Variants in MICU3 observed in about 807,000 individuals in gnomAD.
The protein encoded by MICU3 is calcium uptake protein 3, mitochondrial.
In MICU3, 62 loss-of-function variants were observed where a neutral mutation model predicts 66.5. The ratio of observed to expected loss-of-function variants is 0.93; its 90% CI spans 0.76 to 1.15. The LOEUF (loss-of-function observed/expected upper bound fraction) is 1.15. MICU3 is among the 50% of genes most tolerant of loss of function. MICU3 has a pLI of 0.00. For missense variants in MICU3, 779 were observed against 664.4 expected (o/e 1.17, Z -1.90); for synonymous variants, 308 against 240.7 (o/e 1.28, Z -2.59).
At chr8:17,069,806 T>A (rs1819277145) in intron 3 of MICU3, 87 bp downstream of exon 3, 1 of 440,222 alleles carries the variant, frequency 2.3e-6, no homozygotes, top group Non-Finnish European at 3.6e-6. Flanking sequence ...TCATAAAATA[T>A]ATTATGTATT....
At chr8:17,129,332 G>T in the MICU3 span, among the ~76,000 whole-genome samples, 1 of 151,648 alleles carries the variant, frequency 6.6e-6, no homozygotes, top group Non-Finnish European at 1.5e-5. Flanking sequence ...AGGCCCAGAG[G>T]TGACCCACAT....
Position 17,120,659 on chromosome 8 carries a change from A to G in MICU3, c.*372A>G, listed in dbSNP as rs997789915. 2.6e-5 allele frequency: 4 copies of G among 152,440 alleles called. No individual in the cohort carries two copies. The highest frequency in any genetic ancestry group is 9.7e-5 in the African/African-American group (4 of 41,428). 9.4% of individuals were successfully genotyped at this position (152,440 alleles called of 1,614,324 possible). On this transcript the variant is annotated 3_prime_UTR_variant, in exon 15 of 15. Coordinates refer to ENST00000318063, the MANE Select transcript of MICU3 (RefSeq NM_181723.3). ...CTCATTTCAAAATAATTTATGACTC[A>G]TGGAATGTTGATCGCCTAAAAATGA...
chr8:17,102,900 G>A (rs1801392013), intron 9 of MICU3, among the ~76,000 whole-genome samples: 1 of 151,930 alleles, frequency 6.6e-6, no homozygotes, highest in Non-Finnish European at 1.5e-5. Flanking sequence ...TAGTAGTAGA[G>A]ATCTACCAAA....
intron 1 of MICU3, among the ~76,000 whole-genome samples, chr8:17,031,571 C>T (rs960869038): frequency 2.6e-5 from 4 of 151,946 alleles, no homozygotes; most frequent in African/African-American, 9.7e-5. Context: ...CAGTCGTGAG[C>T]CGCTGCACCC....
At chr8:17,044,898 G>A (rs916889526) in intron 1 of MICU3, among the ~76,000 whole-genome samples, 22 of 152,190 alleles carry the variant, frequency 1.4e-4, no homozygotes, top group African/African-American at 5.3e-4. Context: ...AAGGGAACAC[G>A]TTTTAATTGG....
intron 1 of MICU3, among the ~76,000 whole-genome samples, chr8:17,056,625 T>A (rs1272844615): frequency 6.6e-6 from 1 of 152,158 alleles, no homozygotes; most frequent in African/African-American, 2.4e-5. Context: ...GTAATAGGGA[T>A]ATATAAAGGA....
chr8:17,129,366 T>G, the MICU3 span, among the ~76,000 whole-genome samples: 1 of 152,090 alleles, frequency 6.6e-6, no homozygotes, highest in African/African-American at 2.4e-5. Context: ...GATAAAAACT[T>G]TAAGAACTAT....
chr8:17,098,341 A>T (rs1183586741), intron 8 of MICU3, 117 bp from the exon 9 acceptor site: 5 of 773,304 alleles, frequency 6.5e-6, no homozygotes, highest in Non-Finnish European at 1.1e-5. Flanking sequence ...ACAAACAAAC[A>T]AAAAAAGGTA....
intron 11 of MICU3, among the ~76,000 whole-genome samples, chr8:17,107,446 G>A (rs1335168753): frequency 6.6e-6 from 1 of 152,158 alleles, no homozygotes; most frequent in East Asian, 1.9e-4. Flanking sequence ...TAGGCGATGA[G>A]TAAGGAGAGG....
chr8:17,116,719 T>G (rs1177703461), intron 13 of MICU3, 119 bp downstream of exon 13: 1 of 738,590 alleles, frequency 1.4e-6, no homozygotes, highest in African/African-American at 1.9e-5. Flanking sequence ...GAATGCTTTA[T>G]TTGAAAAGAA....
In MICU3 at chr8:17,114,510, T is replaced by C. The variant is rs183960373; in HGVS notation, c.1366+309T>C. Among the ~76,000 whole-genome samples, 10 of 152,306 alleles carry C rather than the reference T, an allele frequency of 6.6e-5. No individual in the cohort carries two copies. The East Asian group carries it at 1.9e-3, about 29-fold the overall frequency. On this transcript the variant is annotated intron_variant, in intron 12 of 14. Transcript: ENST00000318063. ...TGCCTGCTGACTCAGAAACTGGAAT[T>C]TTCTCAGCAGAGCCACCTCTTAGCC...
At chr8:17,038,113 A>G (rs548833190) in intron 1 of MICU3, among the ~76,000 whole-genome samples, 2 of 152,106 alleles carry the variant, frequency 1.3e-5, no homozygotes, top group African/African-American at 4.8e-5. Flanking sequence ...TTAATACTGA[A>G]ATGAGTTAAG....
chr8:17,027,636 C>T lies in MICU3; in HGVS notation c.357C>T (p.Ile119=), dbSNP rs374415742. Residue 119 remains isoleucine (I), a synonymous_variant, in exon 1 of 15, where the codon ATC becomes ATT. Transcript: ENST00000318063. ...DPPRGRGMLP[I]PVAAAKETVA... ...CCCGCGGCCGGGGGATGCTGCCCATCCCAGTGGCGGCTGCCAAGGAGACGG... is the reference window on the plus strand; with the variant it reads ...CCCGCGGCCGGGGGATGCTGCCCATTCCAGTGGCGGCTGCCAAGGAGACGG... 4.4e-5 allele frequency: 58 copies of T among 1,305,364 alleles called. No homozygotes were observed. In the East Asian group the frequency reaches 8.1e-4, roughly 18 times the overall value. 80.9% of individuals were successfully genotyped at this position (1,305,364 alleles called of 1,614,324 possible).
At chr8:17,118,628 T>C in intron 13 of MICU3, 79 bp from the exon 14 acceptor site, 1 of 939,558 alleles carries the variant, frequency 1.1e-6, no homozygotes, top group Non-Finnish European at 1.7e-6. Context: ...AGTTTGACTT[T>C]TTAGATTCCA....
At chr8:17,080,232 T>C (rs1820977992) in intron 4 of MICU3, among the ~76,000 whole-genome samples, 1 of 152,160 alleles carries the variant, frequency 6.6e-6, no homozygotes, top group Non-Finnish European at 1.5e-5. Context: ...TATTAAATTA[T>C]AATATATCAT....
intron 2 of MICU3, among the ~76,000 whole-genome samples, chr8:17,065,376 C>G (rs1818520573): frequency 6.6e-6 from 1 of 151,988 alleles, no homozygotes; most frequent in Non-Finnish European, 1.5e-5. Flanking sequence ...GGAAGAGATT[C>G]AGGTATATAT....
Position 17,064,166 on chromosome 8 carries a change from T to C in MICU3, c.464T>C (p.Ile155Thr). Residue 155 changes from isoleucine (I) to threonine (T), a missense_variant, in exon 2 of 15, where the codon ATA (isoleucine) becomes ACA (threonine). Transcript: ENST00000318063. ...RERRFRLFAS[I>T]ECEGQLFMTP... The stretch of plus-strand genomic sequence containing the variant: ...AGGCGATTTCGTTTATTTGCTTCTA[T>C]AGAATGTGAAGGGCAGTTATTCATG... The C allele has an allele frequency of 6.2e-7, 1 of 1,613,432 alleles. No homozygotes were observed. Among genetic ancestry groups the C allele is most frequent in the Non-Finnish European group, 8.5e-7 (1 of 1,179,514 alleles).
At chr8:17,118,320 G>C (rs911480820) in intron 13 of MICU3, among the ~76,000 whole-genome samples, 5 of 151,486 alleles carry the variant, frequency 3.3e-5, no homozygotes, top group Admixed American at 1.3e-4. Flanking sequence ...ATGTATTTAT[G>C]GGGTAAATGT....
chr8:17,100,107 C>T (rs896001973), intron 9 of MICU3, among the ~76,000 whole-genome samples: 1 of 151,730 alleles, frequency 6.6e-6, no homozygotes, highest in Admixed American at 6.6e-5. Flanking sequence ...ATTCTGCACA[C>T]CTCTTCCCAA....
Sources: allele counts gnomAD v4.1 joint callset (sites outside exome capture counted in the v4.1 genomes callset), GRCh38; gene constraint gnomAD v4.1.1; transcripts MANE v1.5; gene names NCBI Gene and HGNC (gene_info 2026-07-23, HGNC 2026-07-21).